The following MTRF1L variants were observed in gnomAD, a reference collection of about 807,000 sequenced individuals.
MTRF1L encodes the protein mitochondrial translation release factor 1 like.
Under a neutral mutation model 40.0 loss-of-function variants are expected in MTRF1L, and 29 were observed. The ratio of observed to expected loss-of-function variants is 0.73; its 90% CI spans 0.54 to 0.99. The LOEUF is 0.99. Among genes scored for constraint, MTRF1L ranks in the 50% least tolerant of loss-of-function variants. The probability of loss-of-function intolerance (pLI) is 0.00; values close to 1 mark genes in which losing one functional copy is unlikely to be tolerated. For missense variants in MTRF1L, 412 were observed against 464.5 expected, an observed-to-expected ratio of 0.89 and a Z score of 1.04; for synonymous variants, 150 against 175.8, an observed-to-expected ratio of 0.85 and a Z score of 1.16.
intron 5 of MTRF1L, 90 bp downstream of exon 5, chr6:152,992,767 G>T: frequency 1.1e-6 from 1 of 927,326 alleles, no homozygotes. Context: ...TACTTCTCTG[G>T]TAACCGAGGA....
intron 6 of MTRF1L, among the ~76,000 whole-genome samples, chr6:152,990,960 T>A (rs1778488575): frequency 6.6e-6 from 1 of 152,162 alleles, no homozygotes; most frequent in Non-Finnish European, 1.5e-5. Flanking sequence ...TCAGTATATA[T>A]CTTTATTTTT....
At chr6:152,990,972 G>A (rs186230647) in intron 6 of MTRF1L, among the ~76,000 whole-genome samples, 70 of 152,228 alleles carry the variant, frequency 4.6e-4, no homozygotes, top group Non-Finnish European at 8.7e-4. Flanking sequence ...TTTATTTTTA[G>A]TAACGGATTA....
chr6:152,992,129 C>T (rs1456671583), intron 5 of MTRF1L, among the ~76,000 whole-genome samples: 1 of 152,176 alleles, frequency 6.6e-6, no homozygotes, highest in Non-Finnish European at 1.5e-5. Flanking sequence ...AAATCGTTAA[C>T]AATCCAGTAC....
At chr6:152,994,773 C>T (rs1438893694) in intron 3 of MTRF1L, 97 bp from the exon 4 acceptor site, 1 of 1,428,834 alleles carries the variant, frequency 7.0e-7, no homozygotes, top group Non-Finnish European at 9.8e-7. Context: ...TTTTTAAAGT[C>T]ATAAAAGGAG....
chr6:152,990,425 C>T (rs1584091488), intron 6 of MTRF1L: 4 of 231,564 alleles, frequency 1.7e-5, no homozygotes, highest in East Asian at 1.1e-4. Flanking sequence ...TTCCTATAGT[C>T]GCTGAATACA....
At chr6:152,991,491 C>G in intron 5 of MTRF1L, 170 bp from the exon 6 acceptor site, 1 of 727,578 alleles carries the variant, frequency 1.4e-6, no homozygotes, top group Non-Finnish European at 2.0e-6. Flanking sequence ...CAGAGTTTAT[C>G]AGAAAACTGA....
At chr6:152,998,289 G>T in intron 2 of MTRF1L, 1 of 217,412 alleles carries the variant, frequency 4.6e-6, no homozygotes, top group Non-Finnish European at 9.0e-6. Flanking sequence ...AGGACCATGT[G>T]AAGTTTGTTC....
At chr6:152,990,170 A>T in intron 6 of MTRF1L, 75 bp from the exon 7 acceptor site, 2 of 1,541,814 alleles carry the variant, frequency 1.3e-6, no homozygotes, top group Non-Finnish European at 8.7e-7. Flanking sequence ...TTATTTGGAG[A>T]CTTAAGTTCT....
At chr6:152,990,568 A>G (rs1778471768) in intron 6 of MTRF1L, 1 of 154,182 alleles carries the variant, frequency 6.5e-6, no homozygotes, top group African/African-American at 2.4e-5. Flanking sequence ...CACACCTGTA[A>G]TCCCAGCACT....
At position 152,987,403 on chromosome 6, in the gene MTRF1L, G is replaced by C. The variant is rs1778374957; in HGVS notation, c.*2492C>G. On this transcript the variant is annotated 3_prime_UTR_variant, in exon 7 of 7. Transcript: ENST00000367233. Reference sequence around the variant, plus strand: ...ACAGTGGAAAGCTGGTTTTATTTGGGAGACAATGGGAGCTTTTACATTGTT... The same window carrying C: ...ACAGTGGAAAGCTGGTTTTATTTGGCAGACAATGGGAGCTTTTACATTGTT... 2 of 152,194 alleles carry C rather than the reference G, an allele frequency of 1.3e-5. No individual in the cohort carries two copies. Among genetic ancestry groups the C allele is most frequent in the Non-Finnish European group, 2.9e-5 (2 of 68,040 alleles). The allele number at this position is 152,194 out of a possible 1,614,324, so 9.4% of individuals were successfully genotyped here. A position where few individuals can be genotyped will look rare whatever the true frequency, so the allele number is the denominator to read the frequency against.
chr6:152,994,377 G>C, intron 4 of MTRF1L, 136 bp downstream of exon 4: 1 of 842,814 alleles, frequency 1.2e-6, no homozygotes, highest in South Asian at 2.8e-5. Flanking sequence ...ATATTTTTTA[G>C]ACTGAGATAA....
At chr6:152,998,675 A>C (rs761050260) in intron 1 of MTRF1L, 46 bp from the exon 2 acceptor site, 2 of 1,332,778 alleles carry the variant, frequency 1.5e-6, no homozygotes, top group African/African-American at 3.0e-5. Flanking sequence ...AATTAGTGTT[A>C]AATTGCTAGC....
At chr6:152,991,379 TCA>T (rs1015343861) in intron 5 of MTRF1L, 58 bp from the exon 6 acceptor site, 44 of 1,473,820 alleles carry the variant, frequency 3.0e-5, no homozygotes, top group Non-Finnish European at 3.8e-5. Flanking sequence ...TTACTTATTA[TCA>T]AGGAATACTT....
chr6:152,990,579 T>C (rs1284748081), intron 6 of MTRF1L: 1 of 153,630 alleles, frequency 6.5e-6, no homozygotes, highest in Non-Finnish European at 1.4e-5. Flanking sequence ...TCCCAGCACT[T>C]TGGGAGGCTG....
intron 4 of MTRF1L, among the ~76,000 whole-genome samples, chr6:152,993,537 T>C (rs1180825790): frequency 6.6e-6 from 1 of 152,212 alleles, no homozygotes; most frequent in African/African-American, 2.4e-5. Flanking sequence ...CACTGTTTCA[T>C]GAACAACTAA....
rs774011789 is a variant in MTRF1L at position 152,994,563 on chromosome 6, G to A, written c.637C>T (p.Arg213Cys). The part of the protein sequence containing the change: ...QRVPKTEKQG[R>C]VHTSTMTVAI... ...ACAGTCATGGTGCTAGTATGGACGC[G>A]GCCTTGCTTTTCTGTCTTTGGCACT... Residue 213 changes from arginine to cysteine, a missense_variant, in exon 4 of 7, where the codon CGC (arginine) becomes TGC (cysteine). Physicochemically the swap from Arg to Cys is radical, Grantham distance 180. Transcript: ENST00000367233. 9 of 1,612,472 alleles carry A rather than the reference G, an allele frequency of 5.6e-6. No homozygotes were observed. The highest frequency in any genetic ancestry group is 4.5e-5 in the East Asian group (2 of 44,862).
intron 4 of MTRF1L, among the ~76,000 whole-genome samples, chr6:152,993,708 C>T (rs115172256): frequency 0.011 from 1,638 of 152,278 alleles, 42 homozygotes; most frequent in African/African-American, 0.037. Flanking sequence ...AAAACTTCCA[C>T]CCCAAGATGG....
chr6:153,001,800 T>C (rs1246865314), intron 1 of MTRF1L, among the ~76,000 whole-genome samples: 1 of 152,242 alleles, frequency 6.6e-6, no homozygotes, highest in African/African-American at 2.4e-5. Context: ...TTCTGGAGAA[T>C]ACTCCAATTT....
At chr6:152,996,554 G>A (rs1778721138) in intron 2 of MTRF1L, among the ~76,000 whole-genome samples, 1 of 152,126 alleles carries the variant, frequency 6.6e-6, no homozygotes, top group South Asian at 2.1e-4. Flanking sequence ...TGCCTAAAGG[G>A]GAAGCAGATT....
Sources: gnomAD v4.1 joint callset for allele counts (sites outside exome capture counted in the v4.1 genomes callset) on GRCh38, gnomAD v4.1.1 for gene constraint, MANE v1.5 for transcripts, NCBI Gene and HGNC (gene_info 2026-07-23, HGNC 2026-07-21) for gene names.